Variants in PTPRD observed in about 807,000 individuals in gnomAD.
PTPRD encodes the protein receptor-type tyrosine-protein phosphatase delta.
A neutral mutation model predicts 214.5 loss-of-function variants in PTPRD; 34 were observed. The observed-to-expected ratio is 0.16, with a 90% CI of 0.12 to 0.21. The LOEUF is 0.21. Among genes scored for constraint, PTPRD ranks in the 10% least tolerant of loss-of-function variants. PTPRD has a pLI of 1.00. For missense variants in PTPRD, 2,545 were observed against 2,398.7 expected (o/e 1.06, Z -1.27); for synonymous variants, 1,128 against 845.7 (o/e 1.33, Z -5.79).
chr9:10,229,610 C>A (rs1174821042), intron 3 of PTPRD, among the ~76,000 whole-genome samples: 2 of 151,324 alleles, frequency 1.3e-5, no homozygotes, highest in Non-Finnish European at 2.9e-5. Flanking sequence ...GGACAAAAAA[C>A]CAAACACCGC....
intron 3 of PTPRD, among the ~76,000 whole-genome samples, chr9:10,103,184 C>A (rs1435013016): frequency 6.6e-6 from 1 of 151,318 alleles, no homozygotes; most frequent in Non-Finnish European, 1.5e-5. Flanking sequence ...ACAATTTTTA[C>A]TTACACAGCA....
chr9:9,249,987 G>A (rs779646087), intron 9 of PTPRD, among the ~76,000 whole-genome samples: 2 of 152,040 alleles, frequency 1.3e-5, no homozygotes, highest in Non-Finnish European at 2.9e-5. Flanking sequence ...CCCTGTAAAT[G>A]CTTTAGATAC....
chr9:8,737,093 G>A (rs2090628948), intron 11 of PTPRD, among the ~76,000 whole-genome samples: 1 of 152,116 alleles, frequency 6.6e-6, no homozygotes, highest in South Asian at 2.1e-4. Context: ...TGCTCACTCA[G>A]GGAAGAAGTG....
At chr9:10,105,614 C>T (rs1017449962) in intron 3 of PTPRD, among the ~76,000 whole-genome samples, 1 of 151,870 alleles carries the variant, frequency 6.6e-6, no homozygotes, top group African/African-American at 2.4e-5. Context: ...GCCCATCTCT[C>T]ACTCCCTCTG....
At chr9:8,587,474 T>A (rs897084077) in intron 14 of PTPRD, among the ~76,000 whole-genome samples, 1 of 152,254 alleles carries the variant, frequency 6.6e-6, no homozygotes, top group Non-Finnish European at 1.5e-5. Context: ...GCCACCGTTG[T>A]AGTTAAACAA....
intron 37 of PTPRD, 35 bp from the exon 38 acceptor site, chr9:8,376,761 C>A: frequency 1.2e-6 from 2 of 1,609,616 alleles, no homozygotes. Flanking sequence ...AGGGCAAATG[C>A]TCATCAATTT....
At chr9:9,928,120 G>A (rs1188405783) in intron 5 of PTPRD, among the ~76,000 whole-genome samples, 1 of 152,054 alleles carries the variant, frequency 6.6e-6, no homozygotes, top group Non-Finnish European at 1.5e-5. Flanking sequence ...AAAATATAAT[G>A]TCAACCGTTA....
intron 2 of PTPRD, among the ~76,000 whole-genome samples, chr9:10,520,965 T>C (rs1224590957): frequency 6.6e-6 from 1 of 151,708 alleles, no homozygotes; most frequent in African/African-American, 2.4e-5. Context: ...AATGTTGTTT[T>C]ATGCCCAGTA....
intron 12 of PTPRD, among the ~76,000 whole-genome samples, chr9:8,645,276 G>A (rs1016929391): frequency 1.3e-5 from 2 of 152,140 alleles, no homozygotes; most frequent in African/African-American, 2.4e-5. Context: ...AGATTACGAT[G>A]TCTGACCAAG....
chr9:9,335,493 T>A (rs150865812), intron 9 of PTPRD, among the ~76,000 whole-genome samples: 32 of 152,214 alleles, frequency 2.1e-4, no homozygotes, highest in Middle Eastern at 6.8e-3. Context: ...CACTTGTATA[T>A]TAAGACATTA....
chr9:8,627,755 T>C (rs1262420598), intron 14 of PTPRD, among the ~76,000 whole-genome samples: 1 of 151,800 alleles, frequency 6.6e-6, no homozygotes, highest in Admixed American at 6.6e-5. Flanking sequence ...AGTTTTAATG[T>C]CTCCCCTTAC....
intron 10 of PTPRD, among the ~76,000 whole-genome samples, chr9:9,119,834 ATT>A (rs111523295): frequency 1.1e-4 from 16 of 144,166 alleles, no homozygotes; most frequent in African/African-American, 2.5e-4. Context: ...AGATTCTGTG[ATT>A]TTTTTTTTTT....
rs2095510239 is a variant in PTPRD at position 9,980,619 on chromosome 9, AAAAAAAAAAAAAAAAC to A, written c.-471-42025_-471-42010del. Among the ~76,000 whole-genome samples, 16 of 26,990 alleles carry A rather than the reference AAAAAAAAAAAAAAAAC, an allele frequency of 5.9e-4. 1 individual carries two copies. In the South Asian group the frequency reaches 9.7e-3, roughly 16 times the overall value. 17.7% of individuals were successfully genotyped at this position (26,990 alleles called of 152,430 possible). On this transcript the variant is annotated intron_variant, in intron 4 of 45. Transcript: ENST00000381196. ...GTGAGACACCTTGTCAAAAAAAAACAAAAAAAAAAAAAAAACAAAAAAAAAAACCCTTTATGGATCA... is the reference window on the plus strand; with the variant it reads ...GTGAGACACCTTGTCAAAAAAAAACAAAAAAAAAAAACCCTTTATGGATCA...
At chr9:10,335,724 C>G (rs1229046779) in intron 3 of PTPRD, among the ~76,000 whole-genome samples, 1 of 151,280 alleles carries the variant, frequency 6.6e-6, no homozygotes, top group Admixed American at 6.6e-5. Context: ...CTAAAATATA[C>G]AAAGAAAAAC....
intron 2 of PTPRD, among the ~76,000 whole-genome samples, chr9:10,364,007 T>TTTTTTTTTTTTTTTTTTTTTTTTTTTTG (rs2097457313): frequency 7.5e-6 from 1 of 133,182 alleles, no homozygotes; most frequent in Non-Finnish European, 1.6e-5. Context: ...TTTTTTTTTT[T>TTTTTTTTTTTTTTTTTTTTTTTTTTTTG]TTTTTTTTTT....
In PTPRD at chr9:9,290,502, GT is replaced by G. The variant is rs573076542; in HGVS notation, c.-203+106946del. ...TTTTTGTGAAAAACAATGTCAAGGAGTTTTTTCCCTATTTTCTTCTAGGAGT... is the reference window on the plus strand; with the variant it reads ...TTTTTGTGAAAAACAATGTCAAGGAGTTTTTCCCTATTTTCTTCTAGGAGT... On this transcript the variant is annotated intron_variant, in intron 9 of 45. Transcript: ENST00000381196. 1.3e-4 allele frequency among the ~76,000 whole-genome samples: 19 copies of G among 151,562 alleles called. 1 individual carries two copies. The South Asian group carries it at 3.9e-3, about 31-fold the overall frequency.
At chr9:9,910,923 G>A (rs779072033) in intron 5 of PTPRD, among the ~76,000 whole-genome samples, 20 of 151,974 alleles carry the variant, frequency 1.3e-4, no homozygotes, top group Non-Finnish European at 2.1e-4. Flanking sequence ...CTCGAGTAGC[G>A]TAGTTCTCAT....
At chr9:9,649,225 T>C (rs1196263771) in intron 7 of PTPRD, among the ~76,000 whole-genome samples, 1 of 152,194 alleles carries the variant, frequency 6.6e-6, no homozygotes, top group East Asian at 1.9e-4. Context: ...ATTAGCAGAA[T>C]AAACTGAAAA....
chr9:9,924,143 C>A (rs1376034215), intron 5 of PTPRD, among the ~76,000 whole-genome samples: 1 of 151,922 alleles, frequency 6.6e-6, no homozygotes, highest in Non-Finnish European at 1.5e-5. Context: ...TCACCAGAAA[C>A]AACACATTGA....
Sources: allele counts gnomAD v4.1 joint callset (sites outside exome capture counted in the v4.1 genomes callset), GRCh38; gene constraint gnomAD v4.1.1; transcripts MANE v1.5; gene names NCBI Gene and HGNC (gene_info 2026-07-23, HGNC 2026-07-21).